The following TDRD3 variants were observed in gnomAD, a reference collection of about 807,000 sequenced individuals.
TDRD3 encodes tudor domain-containing protein 3.
TDRD3 carries 45 observed loss-of-function variants against 86.7 expected under a neutral mutation model. That is an observed-to-expected ratio of 0.52 (90% CI 0.41 to 0.67). The LOEUF is 0.67. TDRD3 is among the 30% of genes least tolerant of loss of function. TDRD3 has a pLI of 0.00. For missense variants in TDRD3, 814 were observed against 889.0 expected, an observed-to-expected ratio of 0.92 and a Z score of 1.07; for synonymous variants, 298 against 301.7, an observed-to-expected ratio of 0.99 and a Z score of 0.13.
chr13:60,567,574 A>T lies in TDRD3; in HGVS notation c.2168A>T (p.Asp723Val), dbSNP rs1958491617. ...DQTLEFRRGG[D>V]GQPRRSTRPT... The stretch of plus-strand genomic sequence containing the variant: ...ACTCTGGAGTTCCGTAGGGGAGGTG[A>T]TGGCCAGCCAAGACGATCCACTCGG... The change falls in exon 13 of 14, where the codon GAT becomes GTT. Residue 723 changes from aspartate (D) to valine (V), a missense_variant. Transcript: ENST00000377881. 1 of 1,614,186 alleles carries T rather than the reference A, an allele frequency of 6.2e-7. No homozygotes were observed.
chr13:60,427,970 TC>T (rs1954852922), intron 1 of TDRD3, among the ~76,000 whole-genome samples: 1 of 152,016 alleles, frequency 6.6e-6, no homozygotes, highest in Admixed American at 6.6e-5. Context: ...GTTCTGGAGA[TC>T]AGAAGTCTGA....
chr13:60,397,370 C>T lies in TDRD3; in HGVS notation c.6C>T (p.Ala2=). 1 of 1,491,802 alleles carries T rather than the reference C, an allele frequency of 6.7e-7. No individual in the cohort carries two copies. Among genetic ancestry groups the T allele is most frequent in the Non-Finnish European group, 8.9e-7 (1 of 1,119,898 alleles). 92.4% of individuals were successfully genotyped at this position (1,491,802 alleles called of 1,614,324 possible). A position where few individuals can be genotyped will look rare whatever the true frequency, so the allele number is the denominator to read the frequency against. ...CCCCGGCCTAAGCAGCTACCATGGC[C>T]CAGGTGGCCGGCGCGGCGTTGTCCC... M[A]QVAGAALSQA... is the part of the protein sequence containing the mutation. Residue 2 remains alanine, a synonymous_variant, in exon 1 of 14, where the codon GCC becomes GCT. Coordinates refer to ENST00000377881, the MANE Select transcript of TDRD3 (RefSeq NM_001146070.2).
chr13:60,475,440 G>T (rs930780902), intron 5 of TDRD3, among the ~76,000 whole-genome samples: 2 of 152,150 alleles, frequency 1.3e-5, no homozygotes, highest in Non-Finnish European at 2.9e-5. Context: ...CTTATTTATG[G>T]CTGTGTAGTA....
At chr13:60,497,025 G>A (rs992435692) in intron 8 of TDRD3, among the ~76,000 whole-genome samples, 31 of 152,176 alleles carry the variant, frequency 2.0e-4, no homozygotes, top group African/African-American at 5.6e-4. Flanking sequence ...CAATTAGGAC[G>A]AACCGGGGAC....
At chr13:60,451,650 G>C (rs1220879660) in intron 3 of TDRD3, among the ~76,000 whole-genome samples, 1 of 152,108 alleles carries the variant, frequency 6.6e-6, no homozygotes. Context: ...CTACTGCATT[G>C]TGGAATTAAG....
chr13:60,415,819 C>G (rs1351842508), intron 1 of TDRD3, among the ~76,000 whole-genome samples: 1 of 152,018 alleles, frequency 6.6e-6, no homozygotes, highest in Non-Finnish European at 1.5e-5. Context: ...TAGTTCTGGC[C>G]TTTATTTCAA....
At chr13:60,468,673 TTA>T (rs367953449) in intron 5 of TDRD3, among the ~76,000 whole-genome samples, 1 of 152,184 alleles carries the variant, frequency 6.6e-6, no homozygotes, top group African/African-American at 2.4e-5. Context: ...TACTTTATGA[TTA>T]GACAGATGAT....
At chr13:60,566,207 A>G (rs1595130688) in intron 12 of TDRD3, among the ~76,000 whole-genome samples, 1 of 152,164 alleles carries the variant, frequency 6.6e-6, no homozygotes, top group South Asian at 2.1e-4. Context: ...ATTAGGGCAA[A>G]GTCACAAAGC....
intron 10 of TDRD3, among the ~76,000 whole-genome samples, chr13:60,527,911 A>G (rs2137774405): frequency 6.6e-6 from 1 of 152,294 alleles, no homozygotes; most frequent in Admixed American, 6.5e-5. Flanking sequence ...GAAAAGAAAC[A>G]TTTTTGCAAA....
chr13:60,490,050 G>GTTTT lies in TDRD3; in HGVS notation c.717+4121_717+4124dup, dbSNP rs11397531. On this transcript the variant is annotated intron_variant, in intron 7 of 13. Coordinates refer to ENST00000377881, the MANE Select transcript of TDRD3 (RefSeq NM_001146070.2). ...AATATTTGATAATTAAAGCATCTTA[G>GTTTT]TTTTTTTTTTTTTTTTTTTTTTACA... 1.2e-4 allele frequency among the ~76,000 whole-genome samples: 13 copies of GTTTT among 111,010 alleles called. 1 individual carries two copies. Among genetic ancestry groups the GTTTT allele is most frequent in the Non-Finnish European group, 1.5e-4 (9 of 58,078 alleles). 72.8% of individuals were successfully genotyped at this position (111,010 alleles called of 152,430 possible).
intron 12 of TDRD3, among the ~76,000 whole-genome samples, chr13:60,546,870 C>T (rs1318659189): frequency 1.3e-5 from 2 of 152,184 alleles, no homozygotes; most frequent in African/African-American, 4.8e-5. Flanking sequence ...CGAGATACAG[C>T]TTTTTGCAGT....
chr13:60,405,440 A>C (rs1954212120), intron 1 of TDRD3, among the ~76,000 whole-genome samples: 1 of 152,240 alleles, frequency 6.6e-6, no homozygotes. Flanking sequence ...AGGGGGAATT[A>C]GCCTTTTCAT....
In TDRD3 at chr13:60,567,848, C is replaced by T. The variant is rs975586069; in HGVS notation, c.*9+198C>T. Reference sequence around the variant, plus strand: ...AAGCGATTCTCCTGCCTCAGCTTCCCGAGTAGCTGGGATTACAGGCATCCA... The same window carrying T: ...AAGCGATTCTCCTGCCTCAGCTTCCTGAGTAGCTGGGATTACAGGCATCCA... On this transcript the variant is annotated intron_variant, in intron 13 of 13. Coordinates refer to ENST00000377881, the MANE Select transcript of TDRD3 (RefSeq NM_001146070.2). Among the ~76,000 whole-genome samples, 13 of 151,840 alleles carry T rather than the reference C, an allele frequency of 8.6e-5. No homozygotes were observed. In the East Asian group the frequency reaches 1.7e-3, roughly 20 times the overall value.
Position 60,467,302 on chromosome 13 carries a change from C to T in TDRD3, c.418C>T (p.Leu140=), listed in dbSNP as rs372218547. 7.4e-6 allele frequency: 12 copies of T among 1,613,786 alleles called. No homozygotes were observed. The highest frequency in any genetic ancestry group is 1.0e-5 in the Non-Finnish European group (12 of 1,179,894). ...SGIVDIKNGF[L]LLNDSNTTVL... is the part of the protein sequence containing the mutation. ...CATTGTTGACATAAAAAATGGATTC[C>T]TGCTCTTGAATGACTCTAACACCAC... Residue 140 remains leucine, a synonymous_variant, in exon 5 of 14, where the codon CTG becomes TTG. Transcript: ENST00000377881.
chr13:60,469,360 G>C (rs1956023721), intron 5 of TDRD3, among the ~76,000 whole-genome samples: 1 of 151,672 alleles, frequency 6.6e-6, no homozygotes, highest in Non-Finnish European at 1.5e-5. Context: ...CCACAACCCA[G>C]TCCCATAGCC....
At chr13:60,446,504 G>T (rs541951659) in intron 3 of TDRD3, among the ~76,000 whole-genome samples, 48 of 152,148 alleles carry the variant, frequency 3.2e-4, no homozygotes, top group Non-Finnish European at 3.2e-4. Context: ...TGGGATTACA[G>T]GTGTGAGCCA....
chr13:60,444,665 A>G lies in TDRD3; in HGVS notation c.127-18A>G. 1 of 1,277,916 alleles carries G rather than the reference A, an allele frequency of 7.8e-7. No individual in the cohort carries two copies. Among genetic ancestry groups the G allele is most frequent in the Non-Finnish European group, 1.1e-6 (1 of 941,936 alleles). 79.2% of individuals were successfully genotyped at this position (1,277,916 alleles called of 1,614,324 possible). On this transcript the variant is annotated intron_variant, in intron 2 of 13. Coordinates refer to ENST00000377881, the MANE Select transcript of TDRD3 (RefSeq NM_001146070.2). ...TCTTTTCTATAATTCCATTTTAATA[A>G]TAATATTTTTATTTTAGACAGATCT...
At position 60,556,942 on chromosome 13, in the gene TDRD3, C is replaced by T. The variant is rs145744558; in HGVS notation, c.2119-10583C>T. Among the ~76,000 whole-genome samples, 1,122 of 152,212 alleles carry T rather than the reference C, an allele frequency of 7.4e-3. 15 individuals carry two copies. The highest frequency in any genetic ancestry group is 0.025 in the African/African-American group (1,058 of 41,542). On this transcript the variant is annotated intron_variant, in intron 12 of 13. Transcript: ENST00000377881. ...TCCAGAGGCCGGGTGCAGTGGCTGA[C>T]GCCTGTAATCCCAACACTTTAGGAG...
At chr13:60,465,781 G>A (rs1158037314) in intron 4 of TDRD3, among the ~76,000 whole-genome samples, 1 of 151,962 alleles carries the variant, frequency 6.6e-6, no homozygotes, top group African/African-American at 2.4e-5. Context: ...AATTTTATGA[G>A]GTTTTAAGAT....
Sources: gnomAD v4.1 joint callset for allele counts (sites outside exome capture counted in the v4.1 genomes callset) on GRCh38, gnomAD v4.1.1 for gene constraint, MANE v1.5 for transcripts, NCBI Gene and HGNC (gene_info 2026-07-23, HGNC 2026-07-21) for gene names.